The following LDLRAD3 variants were observed in gnomAD, a reference collection of about 807,000 sequenced individuals.
LDLRAD3 encodes the protein low-density lipoprotein receptor class A domain-containing protein 3.
In LDLRAD3, 20 loss-of-function variants were observed where a neutral mutation model predicts 29.4. The observed-to-expected ratio is 0.68, with a 90% CI of 0.48 to 0.99. LDLRAD3 has a LOEUF of 0.99. Among genes scored for constraint, LDLRAD3 ranks in the 50% least tolerant of loss-of-function variants. The probability of loss-of-function intolerance (pLI) is 0.00; values close to 1 mark genes in which losing one functional copy is unlikely to be tolerated. For synonymous variants in LDLRAD3, 157 were observed against 192.7 expected (o/e 0.81, Z 1.53); for missense variants, 420 against 454.3 (o/e 0.92, Z 0.69).
At position 36,060,439 on chromosome 11, in the gene LDLRAD3, A is replaced by G. The variant is rs538953861; in HGVS notation, c.194-21214A>G. ...CTAGAAAGTTGCAGAGCTGGGGTTTAACTTAAGTGGTCCAACTCCAGAGTT... is the reference window on the plus strand; with the variant it reads ...CTAGAAAGTTGCAGAGCTGGGGTTTGACTTAAGTGGTCCAACTCCAGAGTT... On this transcript the variant is annotated intron_variant, in intron 2 of 5. Coordinates refer to ENST00000315571, the MANE Select transcript of LDLRAD3 (RefSeq NM_174902.4). Among the ~76,000 whole-genome samples the G allele has an allele frequency of 2.0e-5, 3 of 152,194 alleles. No individual in the cohort carries two copies. The South Asian group carries it at 6.2e-4, about 32-fold the overall frequency.
At chr11:35,954,999 C>G (rs1437740161) in intron 1 of LDLRAD3, among the ~76,000 whole-genome samples, 1 of 152,216 alleles carries the variant, frequency 6.6e-6, no homozygotes, top group Non-Finnish European at 1.5e-5. Flanking sequence ...CTGGCTTACA[C>G]CTTGGGAGGC....
chr11:36,028,169 G>A (rs1174618248), intron 1 of LDLRAD3, among the ~76,000 whole-genome samples: 1 of 152,174 alleles, frequency 6.6e-6, no homozygotes, highest in African/African-American at 2.4e-5. Context: ...ATTATAAATG[G>A]GGTCAACTCC....
Position 36,122,409 on chromosome 11 carries a change from A to G in LDLRAD3, c.454+23948A>G, listed in dbSNP as rs142864732. ...CACCTCCCCAAGCCTCAGATTTTCC[A>G]TCTGAAAAATGGAAACAGGATTCAT... On this transcript the variant is annotated intron_variant, in intron 4 of 5. Coordinates refer to ENST00000315571, the MANE Select transcript of LDLRAD3 (RefSeq NM_174902.4). Among the ~76,000 whole-genome samples the G allele has an allele frequency of 4.4e-3, 672 of 152,240 alleles. 3 individuals carry two copies. Among genetic ancestry groups the G allele is most frequent in the South Asian group, 0.011 (54 of 4,812 alleles).
At chr11:35,951,516 G>A (rs1851135510) in intron 1 of LDLRAD3, among the ~76,000 whole-genome samples, 1 of 152,082 alleles carries the variant, frequency 6.6e-6, no homozygotes, top group African/African-American at 2.4e-5. Flanking sequence ...CACCCCTTTT[G>A]TTGCTATCTC....
At chr11:36,131,294 AG>A (rs1447858057) in intron 4 of LDLRAD3, among the ~76,000 whole-genome samples, 5 of 152,216 alleles carry the variant, frequency 3.3e-5, no homozygotes, top group Non-Finnish European at 5.9e-5. Flanking sequence ...CGCATCTCAA[AG>A]CTGGTTTGGG....
chr11:35,951,887 G>A (rs1426438099), intron 1 of LDLRAD3, among the ~76,000 whole-genome samples: 3 of 152,262 alleles, frequency 2.0e-5, no homozygotes, highest in African/African-American at 4.8e-5. Context: ...CACAGCTTCC[G>A]CCCACCCTGT....
intron 1 of LDLRAD3, among the ~76,000 whole-genome samples, chr11:35,955,735 G>A (rs754262358): frequency 2.6e-5 from 4 of 152,230 alleles, no homozygotes; most frequent in South Asian, 2.1e-4. Context: ...GGTTCTTCAA[G>A]TATAAAATTA....
At chr11:36,069,832 T>C (rs1032766391) in intron 2 of LDLRAD3, among the ~76,000 whole-genome samples, 2 of 152,226 alleles carry the variant, frequency 1.3e-5, no homozygotes, top group Non-Finnish European at 2.9e-5. Context: ...GTGTCTTCTA[T>C]GTATTCTCAT....
At chr11:36,012,651 A>G (rs1851970700) in intron 1 of LDLRAD3, among the ~76,000 whole-genome samples, 2 of 152,356 alleles carry the variant, frequency 1.3e-5, no homozygotes, top group African/African-American at 2.4e-5. Flanking sequence ...GAAGATTCAT[A>G]TCCTGGGCAG....
At chr11:36,146,205 A>G (rs574037216) in intron 4 of LDLRAD3, among the ~76,000 whole-genome samples, 1 of 152,312 alleles carries the variant, frequency 6.6e-6, no homozygotes, top group East Asian at 1.9e-4. Context: ...CCATAAAATC[A>G]GAATAATGTC....
intron 4 of LDLRAD3, among the ~76,000 whole-genome samples, chr11:36,200,956 G>A (rs930547889): frequency 3.3e-5 from 5 of 152,226 alleles, no homozygotes; most frequent in Admixed American, 2.0e-4. Flanking sequence ...AACAGGATTA[G>A]TGGGAGTAAC....
intron 4 of LDLRAD3, among the ~76,000 whole-genome samples, chr11:36,173,014 A>G (rs916681720): frequency 2.6e-5 from 4 of 152,108 alleles, no homozygotes; most frequent in Non-Finnish European, 4.4e-5. Flanking sequence ...GCTTGTTATT[A>G]GTCTGTTTAG....
At chr11:35,992,089 C>T (rs925330358) in intron 1 of LDLRAD3, among the ~76,000 whole-genome samples, 6 of 152,074 alleles carry the variant, frequency 3.9e-5, no homozygotes, top group African/African-American at 1.2e-4. Context: ...GAAGTGCCCC[C>T]GTCTCAATCT....
At chr11:36,053,273 C>T (rs1852555335) in intron 2 of LDLRAD3, among the ~76,000 whole-genome samples, 1 of 151,976 alleles carries the variant, frequency 6.6e-6, no homozygotes, top group Non-Finnish European at 1.5e-5. Flanking sequence ...ATTTTGACAT[C>T]TGTGATTCCA....
At position 36,077,972 on chromosome 11, in the gene LDLRAD3, C is replaced by T. The variant is rs115350074; in HGVS notation, c.194-3681C>T. ...GGAGGGTGAGCAAGACAAAGGGGAA[C>T]TTTATTGAGTAATAGAACAGCTCAG... On this transcript the variant is annotated intron_variant, in intron 2 of 5. Coordinates refer to ENST00000315571, the MANE Select transcript of LDLRAD3 (RefSeq NM_174902.4). Among the ~76,000 whole-genome samples, 462 of 152,264 alleles carry T rather than the reference C, an allele frequency of 3.0e-3. 1 individual carries two copies. Among genetic ancestry groups the T allele is most frequent in the African/African-American group, 0.011 (451 of 41,560 alleles).
rs564047245 is a variant in LDLRAD3 at position 36,174,481 on chromosome 11, T to C, written c.455-52604T>C. Among the ~76,000 whole-genome samples the C allele has an allele frequency of 1.2e-3, 181 of 152,276 alleles. 1 individual carries two copies. Among genetic ancestry groups the C allele is most frequent in the African/African-American group, 4.2e-3 (174 of 41,542 alleles). The stretch of plus-strand genomic sequence containing the variant: ...ATCTACTCATCTGTCAAAGGGCTAA[T>C]ATCCAGAAGCTACAAAGAACTCAGA... On this transcript the variant is annotated intron_variant, in intron 4 of 5. Transcript: ENST00000315571.
intron 4 of LDLRAD3, among the ~76,000 whole-genome samples, chr11:36,129,644 C>A (rs1215488899): frequency 6.6e-6 from 1 of 152,184 alleles, no homozygotes; most frequent in Non-Finnish European, 1.5e-5. Flanking sequence ...CATAGAGAGG[C>A]CATGCAATTG....
intron 1 of LDLRAD3, among the ~76,000 whole-genome samples, chr11:36,032,235 T>TA (rs1401317328): frequency 6.6e-6 from 1 of 152,190 alleles, no homozygotes; most frequent in East Asian, 1.9e-4. Context: ...TTGAGCCTGT[T>TA]ACACAGATGA....
intron 2 of LDLRAD3, among the ~76,000 whole-genome samples, chr11:36,060,353 CAAA>C (rs60557347): frequency 8.2e-5 from 6 of 73,540 alleles, no homozygotes; most frequent in Non-Finnish European, 5.6e-5. Flanking sequence ...GACTCTGTCT[CAAA>C]AAAAAAAAAA....
Sources: allele counts gnomAD v4.1 joint callset (sites outside exome capture counted in the v4.1 genomes callset), GRCh38; gene constraint gnomAD v4.1.1; transcripts MANE v1.5; gene names NCBI Gene and HGNC (gene_info 2026-07-23, HGNC 2026-07-21).